Variants in ASNSD1 observed in about 807,000 individuals in gnomAD.
ASNSD1 encodes the protein asparagine synthetase domain containing 1, also known as asparagine synthetase domain-containing protein 1.
A neutral mutation model predicts 48.3 loss-of-function variants in ASNSD1; 36 were observed. The ratio of observed to expected loss-of-function variants is 0.75; its 90% CI spans 0.57 to 0.99. The LOEUF (loss-of-function observed/expected upper bound fraction) is 0.99. ASNSD1 is among the 50% of genes least tolerant of loss of function. The pLI, the probability that ASNSD1 is intolerant of heterozygous loss-of-function variation, is 0.00. For missense variants in ASNSD1, 714 were observed against 758.2 expected (o/e 0.94, Z 0.69); for synonymous variants, 257 against 262.1 (o/e 0.98, Z 0.19).
At chr2:189,662,663 G>A (rs1204045241) in intron 1 of ASNSD1, among the ~76,000 whole-genome samples, 1 of 152,098 alleles carries the variant, frequency 6.6e-6, no homozygotes, top group African/African-American at 2.4e-5. Context: ...GTGTGTGTGA[G>A]GTAGCACAAA....
chr2:189,666,994 G>T lies in ASNSD1; in HGVS notation c.862G>T (p.Asp288Tyr), dbSNP rs2032821542. ...GAAGGAAGTAATTCAGCAGTTCATT[G>T]ATGTCCTGAGTGTAGCAGTCAAGAA... is the stretch of plus-strand genomic sequence containing the variant. ...HMKEVIQQFIDVLSVAVKKRV... is the reference protein window; with the variant it reads ...HMKEVIQQFIYVLSVAVKKRV... The change falls in exon 4 of 6, where the codon GAT becomes TAT. Residue 288 changes from aspartate (D) to tyrosine (Y), a missense_variant. Coordinates refer to ENST00000260952, the MANE Select transcript of ASNSD1 (RefSeq NM_019048.4). 4 of 1,614,118 alleles carry T rather than the reference G, an allele frequency of 2.5e-6. No homozygotes were observed. The highest frequency in any genetic ancestry group is 1.3e-5 in the African/African-American group (1 of 75,026).
chr2:189,670,037 G>A (rs564993704), intron 5 of ASNSD1, among the ~76,000 whole-genome samples: 3 of 152,076 alleles, frequency 2.0e-5, no homozygotes, highest in African/African-American at 4.8e-5. Flanking sequence ...GGCTAGGTGC[G>A]GTGGCTCACT....
Position 189,670,521 on chromosome 2 carries a change from G to A in ASNSD1, c.1727G>A (p.Arg576Gln), listed in dbSNP as rs758926939. The change falls in exon 6 of 6, where the codon CGA becomes CAA. Residue 576 changes from arginine to glutamine, a missense_variant. Transcript: ENST00000260952. ...IWEKANLTLP[R>Q]GIGEKLLLRL... ...GAAAAAGCAAACTTGACTTTACCCC[G>A]AGGAATTGGTGAAAAATTACTTTTA... 13 of 1,613,842 alleles carry A rather than the reference G, an allele frequency of 8.1e-6. No homozygotes were observed. The highest frequency in any genetic ancestry group is 1.7e-5 in the Admixed American group (1 of 59,994).
chr2:189,665,600 A>ATGTG (rs1326091568), intron 3 of ASNSD1, 149 bp downstream of exon 3: 6 of 4,884 alleles, frequency 1.2e-3, no homozygotes, highest in Admixed American at 3.8e-3. Flanking sequence ...ATATATGTGT[A>ATGTG]TATATATATA....
chr2:189,667,709 T>C lies in ASNSD1; in HGVS notation c.1465-55T>C, dbSNP rs1420801474. ...CATATTTTAGGTGCATTTATCTTAT[T>C]TTCTTTACTGTGTAGTTGATAACAT... is the stretch of plus-strand genomic sequence containing the variant. On this transcript the variant is annotated intron_variant, in intron 4 of 5. Coordinates refer to ENST00000260952, the MANE Select transcript of ASNSD1 (RefSeq NM_019048.4). 7.7e-6 allele frequency: 12 copies of C among 1,548,504 alleles called. No homozygotes were observed. The Admixed American group carries it at 2.1e-4, about 27-fold the overall frequency.
chr2:189,662,037 T>G (rs1178083685), intron 1 of ASNSD1, among the ~76,000 whole-genome samples: 1 of 152,168 alleles, frequency 6.6e-6, no homozygotes, highest in Non-Finnish European at 1.5e-5. Context: ...TATGTCCCTT[T>G]ATCACCGTGA....
chr2:189,663,499 C>T (rs776875689), intron 1 of ASNSD1, among the ~76,000 whole-genome samples: 2 of 152,066 alleles, frequency 1.3e-5, no homozygotes, highest in East Asian at 1.9e-4. Context: ...GTGATCCGCC[C>T]GCCTTGGCCT....
chr2:189,670,370 T>C, intron 5 of ASNSD1, 71 bp from the exon 6 acceptor site: 1 of 1,339,134 alleles, frequency 7.5e-7, no homozygotes, highest in South Asian at 1.4e-5. Context: ...ATTTTAGCTA[T>C]AAAACTGTGT....
In ASNSD1 at chr2:189,667,940, A is replaced by G; in HGVS notation, c.1641A>G (p.Glu547=). 6.2e-7 allele frequency: 1 copy of G among 1,609,608 alleles called. No individual in the cohort carries two copies. The change falls in exon 5 of 6, where the codon GAA becomes GAG. Residue 547 remains glutamate, a synonymous_variant. Transcript: ENST00000260952. ...GAGTTATTGGTGATCATGGAAAAGA[A>G]GCAAGGTAATTCTAATCATTTGAGT... ...DDRVIGDHGK[E]ARFPFLDENV... is the part of the protein sequence containing the mutation.
Position 189,667,903 on chromosome 2 carries a change from G to T in ASNSD1, c.1604G>T (p.Gly535Val). Residue 535 changes from glycine to valine, a missense_variant, in exon 5 of 6, where the codon GGT becomes GTT. Coordinates refer to ENST00000260952, the MANE Select transcript of ASNSD1 (RefSeq NM_019048.4). ...ELGRISSRNL[G>V]RDDRVIGDHG... ...GGTCGAATTTCTTCTAGAAATCTTGGTCGTGATGACAGAGTTATTGGTGAT... is the reference window on the plus strand; with the variant it reads ...GGTCGAATTTCTTCTAGAAATCTTGTTCGTGATGACAGAGTTATTGGTGAT... 3.7e-6 allele frequency: 6 copies of T among 1,613,906 alleles called. No homozygotes were observed. The highest frequency in any genetic ancestry group is 4.2e-6 in the Non-Finnish European group (5 of 1,179,980).
At chr2:189,664,143 C>CT (rs1254313303) in intron 2 of ASNSD1, among the ~76,000 whole-genome samples, 189 bp downstream of exon 2, 2 of 152,162 alleles carry the variant, frequency 1.3e-5, no homozygotes, top group Admixed American at 1.3e-4. Flanking sequence ...CTGAAGATGT[C>CT]TTTTTTCTAT....
rs528355056 is a variant in ASNSD1 at position 189,665,449 on chromosome 2, A to G, written c.-95A>G. Reference sequence around the variant, plus strand: ...CGAACAGAAATGCTGTCTGAGAGCAAGAGTAAGTTTTTTCTTTTTTGGGGT... The same window carrying G: ...CGAACAGAAATGCTGTCTGAGAGCAGGAGTAAGTTTTTTCTTTTTTGGGGT... On this transcript the variant is annotated splice_region_variant and 5_prime_UTR_variant, in exon 3 of 6. Coordinates refer to ENST00000260952, the MANE Select transcript of ASNSD1 (RefSeq NM_019048.4). 2 of 397,784 alleles carry G rather than the reference A, an allele frequency of 5.0e-6. No individual in the cohort carries two copies. The highest frequency in any genetic ancestry group is 2.1e-5 in the African/African-American group (1 of 48,540). 24.6% of individuals were successfully genotyped at this position (397,784 alleles called of 1,614,324 possible).
At chr2:189,668,198 T>C (rs577839547) in intron 5 of ASNSD1, among the ~76,000 whole-genome samples, 1 of 152,270 alleles carries the variant, frequency 6.6e-6, no homozygotes, top group African/African-American at 2.4e-5. Context: ...GACAGGATTG[T>C]TTTTAAGACT....
Position 189,669,108 on chromosome 2 carries a change from A to G in ASNSD1, c.1646+1163A>G, listed in dbSNP as rs182325341. ...CTTCATTGTTTCTTGTCTCTACTTC[A>G]GTCTTTTCCTCTTTCCACTGACTTG... is the stretch of plus-strand genomic sequence containing the variant. On this transcript the variant is annotated intron_variant, in intron 5 of 5. Transcript: ENST00000260952. Among the ~76,000 whole-genome samples the G allele has an allele frequency of 2.2e-3, 336 of 152,110 alleles. 2 individuals are homozygous for G. Among genetic ancestry groups the G allele is most frequent in the South Asian group, 5.4e-3 (26 of 4,816 alleles).
chr2:189,667,341 A>G lies in ASNSD1; in HGVS notation c.1209A>G (p.Val403=), dbSNP rs768856061. The G allele has an allele frequency of 3.1e-6, 5 of 1,614,190 alleles. No individual in the cohort carries two copies. Among genetic ancestry groups the G allele is most frequent in the Non-Finnish European group, 4.2e-6 (5 of 1,180,026 alleles). The change falls in exon 4 of 6, where the codon GTA becomes GTG. Residue 403 remains valine (V), a synonymous_variant. Coordinates refer to ENST00000260952, the MANE Select transcript of ASNSD1 (RefSeq NM_019048.4). ...AADSPNKHVS[V]PDRITGRAGL... ...ACAGTCCTAATAAACATGTCAGTGT[A>G]CCAGATCGAATCACAGGAAGGGCGG... is the stretch of plus-strand genomic sequence containing the variant.
chr2:189,661,932 A>G (rs1485637373), intron 1 of ASNSD1, among the ~76,000 whole-genome samples: 8 of 152,130 alleles, frequency 5.3e-5, no homozygotes, highest in Non-Finnish European at 1.2e-4. Context: ...CATCAAAGAT[A>G]TTCTCCATCC....
In ASNSD1 at chr2:189,667,337, G is replaced by A. The variant is rs992055118; in HGVS notation, c.1205G>A (p.Ser402Asn). ...AAADSPNKHV[S>N]VPDRITGRAG... ...GCTGACAGTCCTAATAAACATGTCAGTGTACCAGATCGAATCACAGGAAGG... is the reference window on the plus strand; with the variant it reads ...GCTGACAGTCCTAATAAACATGTCAATGTACCAGATCGAATCACAGGAAGG... Residue 402 changes from serine to asparagine, a missense_variant, in exon 4 of 6, where the codon AGT becomes AAT. Coordinates refer to ENST00000260952, the MANE Select transcript of ASNSD1 (RefSeq NM_019048.4). 6.2e-7 allele frequency: 1 copy of A among 1,614,174 alleles called. No homozygotes were observed. Among genetic ancestry groups the A allele is most frequent in the Non-Finnish European group, 8.5e-7 (1 of 1,180,018 alleles).
At position 189,670,673 on chromosome 2, in the gene ASNSD1, C is replaced by T. The variant is rs1266707888; in HGVS notation, c.1879C>T (p.Leu627Phe). Reference sequence around the variant, plus strand: ...AAAGGCATCTGATAAATGTGGACGGCTCCAAATCATGTCCTTAGAAAATCT... The same window carrying T: ...AAAGGCATCTGATAAATGTGGACGGTTCCAAATCATGTCCTTAGAAAATCT... ...NEKASDKCGR[L>F]QIMSLENLSI... The change falls in exon 6 of 6, where the codon CTC (leucine) becomes TTC (phenylalanine). Residue 627 changes from leucine to phenylalanine, a missense_variant. Physicochemically the swap from Leu to Phe is conservative, Grantham distance 22 (BLOSUM62 0). Transcript: ENST00000260952. 2 of 1,610,206 alleles carry T rather than the reference C, an allele frequency of 1.2e-6. No individual in the cohort carries two copies. The highest frequency in any genetic ancestry group is 1.7e-6 in the Non-Finnish European group (2 of 1,178,306).
rs1225363382 is a variant in ASNSD1, at chr2:189,667,909, A to G, written c.1610A>G (p.Asp537Gly). 1.9e-6 allele frequency: 3 copies of G among 1,613,502 alleles called. No individual in the cohort carries two copies. The highest frequency in any genetic ancestry group is 1.7e-5 in the Admixed American group (1 of 59,834). Residue 537 changes from aspartate (D) to glycine (G), a missense_variant, in exon 5 of 6, where the codon GAT becomes GGT. Coordinates refer to ENST00000260952, the MANE Select transcript of ASNSD1 (RefSeq NM_019048.4). ...GRISSRNLGR[D>G]DRVIGDHGKE... The stretch of plus-strand genomic sequence containing the variant: ...ATTTCTTCTAGAAATCTTGGTCGTG[A>G]TGACAGAGTTATTGGTGATCATGGA...
Sources: allele counts gnomAD v4.1 joint callset (sites outside exome capture counted in the v4.1 genomes callset), GRCh38; gene constraint gnomAD v4.1.1; transcripts MANE v1.5; gene names NCBI Gene and HGNC (gene_info 2026-07-23, HGNC 2026-07-21).